Variants in EXOC6B observed in about 807,000 individuals in gnomAD.
The protein encoded by EXOC6B is exocyst complex component 6B, also known as SEC15 homolog B.
Under a neutral mutation model 113.5 loss-of-function variants are expected in EXOC6B, and 54 were observed. The observed-to-expected ratio is 0.48, with a 90% CI of 0.38 to 0.60. EXOC6B has a LOEUF of 0.60. Ranked by LOEUF, EXOC6B falls within the 20% of genes least tolerant of loss-of-function variation. The pLI, the probability that EXOC6B is intolerant of heterozygous loss-of-function variation, is 0.00. For missense variants in EXOC6B, 797 were observed against 977.5 expected, an observed-to-expected ratio of 0.82 and a Z score of 2.46; for synonymous variants, 357 against 339.0, an observed-to-expected ratio of 1.05 and a Z score of -0.58.
At chr2:72,380,186 A>G (rs1323127889) in intron 18 of EXOC6B, among the ~76,000 whole-genome samples, 2 of 152,230 alleles carry the variant, frequency 1.3e-5, no homozygotes, top group Middle Eastern at 3.2e-3. Context: ...AAAGTGAGAA[A>G]CAATATTCTA....
At chr2:72,691,986 T>C (rs1317880553) in intron 6 of EXOC6B, among the ~76,000 whole-genome samples, 1 of 152,038 alleles carries the variant, frequency 6.6e-6, no homozygotes, top group Non-Finnish European at 1.5e-5. Flanking sequence ...GCCCAGCCCC[T>C]GTTCCCCTCT....
chr2:72,692,901 G>A (rs1677602393), intron 6 of EXOC6B, among the ~76,000 whole-genome samples: 1 of 152,172 alleles, frequency 6.6e-6, no homozygotes, highest in East Asian at 1.9e-4. Flanking sequence ...AATATCCTCT[G>A]GGCAAGTCCT....
At chr2:72,759,690 C>G (rs1399529837) in intron 1 of EXOC6B, among the ~76,000 whole-genome samples, 2 of 152,172 alleles carry the variant, frequency 1.3e-5, no homozygotes, top group African/African-American at 4.8e-5. Context: ...CCCTGGCATG[C>G]ACCAACATTT....
At chr2:72,763,263 T>C (rs774838007) in intron 1 of EXOC6B, among the ~76,000 whole-genome samples, 1 of 152,268 alleles carries the variant, frequency 6.6e-6, no homozygotes, top group South Asian at 2.1e-4. Context: ...TAATTGAGTA[T>C]ACTTCCATTT....
chr2:72,774,712 C>G (rs191371247), intron 1 of EXOC6B, among the ~76,000 whole-genome samples: 1 of 152,284 alleles, frequency 6.6e-6, no homozygotes, highest in Admixed American at 6.5e-5. Context: ...CACCAATTCT[C>G]TGACACTACT....
chr2:72,642,807 T>G (rs1352875121), intron 6 of EXOC6B, among the ~76,000 whole-genome samples: 1 of 151,678 alleles, frequency 6.6e-6, no homozygotes, highest in Non-Finnish European at 1.5e-5. Context: ...CAAAAGAAAC[T>G]AACATCAGAG....
intron 7 of EXOC6B, among the ~76,000 whole-genome samples, chr2:72,574,355 A>G (rs1374663306): frequency 1.3e-5 from 2 of 152,164 alleles, no homozygotes; most frequent in Non-Finnish European, 2.9e-5. Context: ...ACAGAAACCA[A>G]TGTTTTCTCA....
At chr2:72,766,956 GAAAAAAA>G (rs971595036) in intron 1 of EXOC6B, among the ~76,000 whole-genome samples, 16 of 56,880 alleles carry the variant, frequency 2.8e-4, no homozygotes, top group African/African-American at 9.9e-4. Context: ...TGTCTCAAAA[GAAAAAAA>G]AAAAAAAAAG....
intron 1 of EXOC6B, among the ~76,000 whole-genome samples, chr2:72,814,852 G>T (rs1469840491): frequency 6.6e-6 from 1 of 152,110 alleles, no homozygotes; most frequent in African/African-American, 2.4e-5. Flanking sequence ...TTAGCCAGGC[G>T]TGGTGGCAGG....
intron 20 of EXOC6B, among the ~76,000 whole-genome samples, chr2:72,210,838 T>C (rs1680141945): frequency 6.6e-6 from 1 of 152,212 alleles, no homozygotes; most frequent in Admixed American, 6.5e-5. Context: ...AAAGCACACA[T>C]ACATCCCAAA....
intron 1 of EXOC6B, among the ~76,000 whole-genome samples, chr2:72,749,387 A>C (rs950681423): frequency 9.2e-5 from 14 of 152,104 alleles, no homozygotes; most frequent in African/African-American, 2.7e-4. Context: ...TATCATCAAC[A>C]TAATGAGTCT....
intron 18 of EXOC6B, among the ~76,000 whole-genome samples, chr2:72,453,640 G>T (rs915006968): frequency 6.6e-6 from 1 of 152,018 alleles, no homozygotes; most frequent in Non-Finnish European, 1.5e-5. Context: ...CTGAATAATA[G>T]TATTAAAGTT....
chr2:72,406,946 A>G (rs1211814725), intron 18 of EXOC6B, among the ~76,000 whole-genome samples: 1 of 152,188 alleles, frequency 6.6e-6, no homozygotes, highest in Non-Finnish European at 1.5e-5. Flanking sequence ...AACAAAATTG[A>G]TAGACTAATA....
At chr2:72,674,459 C>T (rs552058695) in intron 6 of EXOC6B, among the ~76,000 whole-genome samples, 4 of 152,222 alleles carry the variant, frequency 2.6e-5, no homozygotes, top group Non-Finnish European at 5.9e-5. Context: ...CAAACATTAA[C>T]GTAAGATGCA....
chr2:72,493,031 C>T (rs1699833606), intron 15 of EXOC6B, among the ~76,000 whole-genome samples: 1 of 152,122 alleles, frequency 6.6e-6, no homozygotes, highest in Non-Finnish European at 1.5e-5. Flanking sequence ...TTTGAAAATG[C>T]CCTACAGATC....
At chr2:72,403,874 G>A (rs681908) in intron 18 of EXOC6B, among the ~76,000 whole-genome samples, 10,950 of 152,146 alleles carry the variant, frequency 0.072, 490 homozygotes, top group Non-Finnish European at 0.11. Context: ...AGGACAGTGG[G>A]TGCAGTACAC....
At chr2:72,600,223 T>A (rs187483753) in intron 6 of EXOC6B, among the ~76,000 whole-genome samples, 5 of 152,124 alleles carry the variant, frequency 3.3e-5, no homozygotes, top group Admixed American at 3.3e-4. Flanking sequence ...GGCAGACTGC[T>A]TGAGCCCAGG....
At chr2:72,677,214 G>T (rs1376249939) in intron 6 of EXOC6B, among the ~76,000 whole-genome samples, 3 of 152,018 alleles carry the variant, frequency 2.0e-5, no homozygotes, top group Non-Finnish European at 4.4e-5. Context: ...GTACACAGAT[G>T]GGGGAATGAG....
intron 5 of EXOC6B, among the ~76,000 whole-genome samples, chr2:72,722,324 T>C (rs1358331944): frequency 6.6e-6 from 1 of 152,142 alleles, no homozygotes; most frequent in Non-Finnish European, 1.5e-5. Flanking sequence ...AGTTCCATCC[T>C]TAAAAAGAAA....
Sources: gnomAD v4.1 joint callset for allele counts (sites outside exome capture counted in the v4.1 genomes callset) on GRCh38, gnomAD v4.1.1 for gene constraint, MANE v1.5 for transcripts, NCBI Gene and HGNC (gene_info 2026-07-23, HGNC 2026-07-21) for gene names.